Variants in CLEC16A observed in about 807,000 individuals in gnomAD.
The protein encoded by CLEC16A is protein CLEC16A.
Under a neutral mutation model 109.5 loss-of-function variants are expected in CLEC16A, and 51 were observed. That is an observed-to-expected ratio of 0.47 (90% confidence interval 0.37 to 0.59). The LOEUF is 0.59. Among genes scored for constraint, CLEC16A ranks in the 20% least tolerant of loss-of-function variants. The pLI is 0.00. For missense variants in CLEC16A, 1,339 were observed against 1,394.0 expected, an observed-to-expected ratio of 0.96 and a Z score of 0.63; for synonymous variants, 673 against 564.2, an observed-to-expected ratio of 1.19 and a Z score of -2.73.
chr16:11,034,656 G>C (rs2100094287), intron 13 of CLEC16A, among the ~76,000 whole-genome samples: 1 of 152,190 alleles, frequency 6.6e-6, no homozygotes, highest in Admixed American at 6.5e-5. Context: ...CTAAGGCAGG[G>C]CTGTGGGCGG....
intron 19 of CLEC16A, chr16:11,066,443 A>T (rs1567269813): frequency 6.6e-6 from 1 of 152,140 alleles, no homozygotes; most frequent in African/African-American, 2.4e-5. Flanking sequence ...CTGATCCTGG[A>T]GGAGGAGCTG....
chr16:11,016,567 C>T (rs1325433908), intron 11 of CLEC16A, among the ~76,000 whole-genome samples: 2 of 151,986 alleles, frequency 1.3e-5, no homozygotes, highest in Non-Finnish European at 2.9e-5. Context: ...AACTCTTGAC[C>T]TCAAGGGATC....
In CLEC16A at chr16:11,178,197, C is replaced by A; in HGVS notation, c.2807-138C>A. ...GTGTCCCCAAAAGGAGTGAGTGGAG[C>A]CACGCTGAGCCCTCACGCCAGCCAG... On this transcript the variant is annotated intron_variant, in intron 23 of 23. Transcript: ENST00000409790. This position sits in a 1 kb window ranked among gnomAD's most constrained non-coding sequence, Gnocchi z 6.5. The A allele has an allele frequency of 1.4e-6, 1 of 695,510 alleles. No homozygotes were observed. The highest frequency in any genetic ancestry group is 2.6e-5 in the Admixed American group (1 of 37,770). 43.1% of individuals were successfully genotyped at this position (695,510 alleles called of 1,614,324 possible).
At chr16:11,102,278 A>G (rs1315035891) in intron 19 of CLEC16A, among the ~76,000 whole-genome samples, 2 of 152,232 alleles carry the variant, frequency 1.3e-5, no homozygotes, top group Non-Finnish European at 2.9e-5. Flanking sequence ...ACATGCTTCC[A>G]GAATGTTGCT....
chr16:11,176,777 AG>A (rs748712032), intron 23 of CLEC16A, among the ~76,000 whole-genome samples: 5 of 152,126 alleles, frequency 3.3e-5, no homozygotes, highest in African/African-American at 4.8e-5. Context: ...GACCTTTTAG[AG>A]TTCATCTTGC....
At chr16:10,965,013 C>T (rs141121211) in intron 3 of CLEC16A, among the ~76,000 whole-genome samples, 134 of 152,292 alleles carry the variant, frequency 8.8e-4, no homozygotes, top group African/African-American at 3.1e-3. Flanking sequence ...CATCGTGCGT[C>T]GTACCCTTTG....
At chr16:11,097,469 AAAGCTTAGTTC>A (rs1366193205) in intron 19 of CLEC16A, among the ~76,000 whole-genome samples, 3 of 152,190 alleles carry the variant, frequency 2.0e-5, no homozygotes, top group Admixed American at 6.5e-5. Context: ...ATATTTTTAA[AAAGCTTAGTTC>A]AATTAATTTC....
intron 10 of CLEC16A, among the ~76,000 whole-genome samples, chr16:10,994,509 A>G (rs1220031910): frequency 2.0e-5 from 3 of 152,108 alleles, no homozygotes; most frequent in Non-Finnish European, 2.9e-5. Context: ...TGTTGGTTAC[A>G]GTGGGTGTGA....
Position 11,178,669 on chromosome 16 carries a change from T to A in CLEC16A, c.3141T>A (p.Pro1047=). The change falls in exon 24 of 24, where the codon CCT becomes CCA. Residue 1047 remains proline, a synonymous_variant. Coordinates refer to ENST00000409790, the MANE Select transcript of CLEC16A (RefSeq NM_015226.3). The surrounding 1 kb of genome is among the most constrained non-coding windows in gnomAD (Gnocchi z 6.5). The part of the protein sequence containing the change: ...PVGEEAACAE[P]VGTAED ...GCGAAGAGGCTGCATGTGCTGAGCCTGTGGGCACCGCTGAGGACTGAGTCA... is the reference window on the plus strand; with the variant it reads ...GCGAAGAGGCTGCATGTGCTGAGCCAGTGGGCACCGCTGAGGACTGAGTCA... 6.5e-7 allele frequency: 1 copy of A among 1,529,754 alleles called. No homozygotes were observed. The allele number at this position is 1,529,754 out of a possible 1,614,324, so 94.8% of individuals were successfully genotyped here. A position where few individuals can be genotyped will look rare whatever the true frequency, so the allele number is the denominator to read the frequency against.
At position 11,166,427 on chromosome 16, in the gene CLEC16A, C is replaced by T. The variant is rs780885067; in HGVS notation, c.2681C>T (p.Pro894Leu). The change falls in exon 23 of 24, where the codon CCG becomes CTG. Residue 894 changes from proline to leucine, a missense_variant. Physicochemically the swap from Pro to Leu is moderately conservative, Grantham distance 98. Transcript: ENST00000409790. ...CAGTGCATAAACCAGCACAGCTCCC[C>T]GTCCCTGTCCTCACAGTCGCCACCC... Reference protein sequence around the residue: ...VAQCINQHSSPSLSSQSPPSA... With the variant: ...VAQCINQHSSLSLSSQSPPSA... 15 of 1,606,404 alleles carry T rather than the reference C, an allele frequency of 9.3e-6. No homozygotes were observed. The highest frequency in any genetic ancestry group is 2.2e-5 in the East Asian group (1 of 44,846).
At chr16:11,014,932 G>A (rs2045652212) in intron 11 of CLEC16A, among the ~76,000 whole-genome samples, 1 of 152,166 alleles carries the variant, frequency 6.6e-6, no homozygotes, top group South Asian at 2.1e-4. Flanking sequence ...AGTCCTCTTT[G>A]ATGTCCTCTT....
At chr16:10,960,897 A>C (rs1483756807) in intron 2 of CLEC16A, among the ~76,000 whole-genome samples, 2 of 152,120 alleles carry the variant, frequency 1.3e-5, no homozygotes, top group African/African-American at 2.4e-5. Flanking sequence ...TATCCCCTCG[A>C]TATGCTCTCT....
chr16:11,107,898 C>T (rs766633776), intron 19 of CLEC16A, among the ~76,000 whole-genome samples: 3 of 152,328 alleles, frequency 2.0e-5, no homozygotes, highest in South Asian at 4.1e-4. Context: ...ATTGACCCCT[C>T]GGACCACTTA....
At chr16:10,997,817 T>C (rs183231532) in intron 10 of CLEC16A, among the ~76,000 whole-genome samples, 7 of 152,262 alleles carry the variant, frequency 4.6e-5, no homozygotes, top group Non-Finnish European at 7.3e-5. Flanking sequence ...ATACATGATA[T>C]GCACTTATGT....
rs1442495667 is a variant in CLEC16A, at chr16:11,003,099, T to G, written c.1097T>G (p.Ile366Ser). ...SSAKPSIRCF[I>S]KPTETLERSL... ...GCCAAGCCCAGCATTCGGTGCTTCA[T>G]TAAACCCACCGAGACACTCGAGCGG... Residue 366 changes from isoleucine (I) to serine (S), a missense_variant, in exon 11 of 24, where the codon ATT becomes AGT. This residue lies in a region of CLEC16A where 1,061 missense variants were observed against 1,006.8 expected (regional missense o/e 1.05). Transcript: ENST00000409790. The G allele has an allele frequency of 2.5e-6, 4 of 1,610,442 alleles. No individual in the cohort carries two copies. In the East Asian group the frequency reaches 6.7e-5, roughly 27 times the overall value.
In CLEC16A at chr16:11,142,047, C is replaced by G. The variant is rs568571954; in HGVS notation, c.2641+15901C>G. The stretch of plus-strand genomic sequence containing the variant: ...AGAGCATTCTGTGAGACTCATCGAG[C>G]TGCCAGCACTGGGCTAAGTATCTCC... On this transcript the variant is annotated intron_variant, in intron 22 of 23. Transcript: ENST00000409790. Among the ~76,000 whole-genome samples the G allele has an allele frequency of 2.0e-3, 307 of 152,258 alleles. 3 individuals are homozygous for G. The highest frequency in any genetic ancestry group is 7.1e-3 in the African/African-American group (296 of 41,538).
At chr16:11,090,134 G>A (rs1260148656) in intron 19 of CLEC16A, among the ~76,000 whole-genome samples, 3 of 152,152 alleles carry the variant, frequency 2.0e-5, no homozygotes, top group African/African-American at 7.2e-5. Flanking sequence ...TGCGTCCCCT[G>A]CATTCTGGTT....
At chr16:11,114,756 T>G (rs544108043) in intron 19 of CLEC16A, among the ~76,000 whole-genome samples, 2 of 152,176 alleles carry the variant, frequency 1.3e-5, no homozygotes, top group Admixed American at 1.3e-4. Flanking sequence ...TTCCCTAAAA[T>G]GATACTGGCG....
chr16:11,007,238 A>G (rs767708971), intron 11 of CLEC16A, among the ~76,000 whole-genome samples: 11 of 152,332 alleles, frequency 7.2e-5, no homozygotes, highest in Non-Finnish European at 1.5e-4. Flanking sequence ...CATGAAGTAA[A>G]GATGATAGGC....
Sources: gnomAD v4.1 joint callset for allele counts (sites outside exome capture counted in the v4.1 genomes callset) on GRCh38, gnomAD v4.1.1 for gene constraint, gnomAD v4.1.1 regional missense constraint, Gnocchi (gnomAD v3.1) non-coding constraint, MANE v1.5 for transcripts, NCBI Gene and HGNC (gene_info 2026-07-23, HGNC 2026-07-21) for gene names.